MCPH1: variants seen among roughly 807,000 people sequenced by gnomAD.
MCPH1 encodes the protein microcephalin 1.
A neutral mutation model predicts 84.5 loss-of-function variants in MCPH1; 104 were observed. The observed-to-expected ratio is 1.23, with a 90% confidence interval of 1.05 to 1.45. The LOEUF (loss-of-function observed/expected upper bound fraction) is 1.45. Among genes scored for constraint, MCPH1 ranks in the 40% most tolerant of loss-of-function variants. The pLI, the probability that MCPH1 is intolerant of heterozygous loss-of-function variation, is 0.00. For missense variants in MCPH1, 1,498 were observed against 1,005.7 expected (o/e 1.49, Z -6.62); for synonymous variants, 514 against 366.8 (o/e 1.40, Z -4.58).
intron 11 of MCPH1, among the ~76,000 whole-genome samples, chr8:6,492,934 A>G (rs1256226836): frequency 6.6e-6 from 1 of 152,100 alleles, no homozygotes; most frequent in Non-Finnish European, 1.5e-5. Context: ...TAGGGAGGCT[A>G]TGGCAGAGTC....
At chr8:6,417,996 G>A (rs1264901059) in intron 3 of MCPH1, among the ~76,000 whole-genome samples, 1 of 152,174 alleles carries the variant, frequency 6.6e-6, no homozygotes, top group East Asian at 1.9e-4. Context: ...TCATTATGTG[G>A]GCAGTTGCTT....
chr8:6,416,637 C>G (rs890536755), intron 3 of MCPH1, among the ~76,000 whole-genome samples: 1 of 152,064 alleles, frequency 6.6e-6, no homozygotes, highest in African/African-American at 2.4e-5. Flanking sequence ...GTTGAAGCAA[C>G]CTTGCAGTCC....
intron 12 of MCPH1, among the ~76,000 whole-genome samples, chr8:6,548,224 A>C (rs981612396): frequency 6.6e-6 from 1 of 152,128 alleles, no homozygotes; most frequent in African/African-American, 2.4e-5. Context: ...GTTAGAACCT[A>C]CGTGAAGGCT....
chr8:6,626,481 T>TTTG (rs1191973423), intron 13 of MCPH1: 6 of 983,412 alleles, frequency 6.1e-6, no homozygotes, highest in East Asian at 1.1e-4. Flanking sequence ...TTTGTTTTTT[T>TTTG]TTTTTTTTTT....
At chr8:6,426,250 G>C (rs1801043152) in intron 3 of MCPH1, among the ~76,000 whole-genome samples, 1 of 152,072 alleles carries the variant, frequency 6.6e-6, no homozygotes, top group African/African-American at 2.4e-5. Flanking sequence ...TACATTCACG[G>C]GTTTTTTGTG....
Position 6,648,461 on chromosome 8 carries a change from C to G in MCPH1, c.*5412C>G, listed in dbSNP as rs915017157. On this transcript the variant is annotated 3_prime_UTR_variant, in exon 14 of 14. Transcript: ENST00000344683. Reference sequence around the variant, plus strand: ...TGAAACCAACATTTCTTCAGTGAAACCTAGAACAAAAGTGGAATAAATAAA... The same window carrying G: ...TGAAACCAACATTTCTTCAGTGAAAGCTAGAACAAAAGTGGAATAAATAAA... 6.6e-6 allele frequency: 1 copy of G among 152,116 alleles called. No homozygotes were observed. The highest frequency in any genetic ancestry group is 1.5e-5 in the Non-Finnish European group (1 of 68,050). The allele number at this position is 152,116 out of a possible 1,614,324, so 9.4% of individuals were successfully genotyped here.
chr8:6,594,708 T>A (rs1021066665), intron 12 of MCPH1, among the ~76,000 whole-genome samples: 1 of 124,034 alleles, frequency 8.1e-6, no homozygotes, highest in African/African-American at 2.8e-5. Flanking sequence ...TGCAGGGGAC[T>A]GCAGGGGACT....
chr8:6,484,181 A>T (rs1055933599), intron 11 of MCPH1, among the ~76,000 whole-genome samples: 1 of 152,234 alleles, frequency 6.6e-6, no homozygotes, highest in Non-Finnish European at 1.5e-5. Context: ...TATGTCTGGA[A>T]TATATAAAGA....
At chr8:6,417,908 C>A (rs1036997533) in intron 3 of MCPH1, among the ~76,000 whole-genome samples, 1 of 152,166 alleles carries the variant, frequency 6.6e-6, no homozygotes, top group Non-Finnish European at 1.5e-5. Flanking sequence ...ACTCTGGATT[C>A]TTTTCTATTG....
Position 6,648,092 on chromosome 8 carries a change from G to A in MCPH1, c.*5043G>A, listed in dbSNP as rs971195791. 2 of 152,204 alleles carry A rather than the reference G, an allele frequency of 1.3e-5. No homozygotes were observed. The highest frequency in any genetic ancestry group is 2.9e-5 in the Non-Finnish European group (2 of 68,062). The allele number at this position is 152,204 out of a possible 1,614,324, so 9.4% of individuals were successfully genotyped here. ...ATTTAAGGTCGGCCTTGGCTTTCAA[G>A]TTAAGGCCATGGTCTTTCTCTGCAG... On this transcript the variant is annotated 3_prime_UTR_variant, in exon 14 of 14. Transcript: ENST00000344683.
At chr8:6,584,594 A>T (rs1217052833) in intron 12 of MCPH1, among the ~76,000 whole-genome samples, 1 of 152,190 alleles carries the variant, frequency 6.6e-6, no homozygotes, top group Non-Finnish European at 1.5e-5. Context: ...CCGGGGGAGG[A>T]AAAAAGTTAA....
At chr8:6,472,417 A>G (rs538661540) in intron 9 of MCPH1, among the ~76,000 whole-genome samples, 15 of 152,180 alleles carry the variant, frequency 9.9e-5, no homozygotes, top group Admixed American at 3.9e-4. Flanking sequence ...TAAAAGCACA[A>G]ATACTTTTTA....
At chr8:6,442,738 C>T (rs774884430) in intron 7 of MCPH1, among the ~76,000 whole-genome samples, 2 of 152,194 alleles carry the variant, frequency 1.3e-5, no homozygotes, top group African/African-American at 4.8e-5. Flanking sequence ...GTTTCTTCAC[C>T]TAGTCCCCAG....
chr8:6,576,956 C>T (rs908638975), intron 12 of MCPH1, among the ~76,000 whole-genome samples: 2 of 152,024 alleles, frequency 1.3e-5, no homozygotes, highest in Non-Finnish European at 1.5e-5. Flanking sequence ...ATCTGAGAGA[C>T]GCAGGGCCCT....
At chr8:6,457,689 T>G (rs896682962) in intron 9 of MCPH1, among the ~76,000 whole-genome samples, 1 of 152,074 alleles carries the variant, frequency 6.6e-6, no homozygotes, top group Non-Finnish European at 1.5e-5. Flanking sequence ...CGGCACCCCG[T>G]CCTTAACGTG....
intron 12 of MCPH1, among the ~76,000 whole-genome samples, chr8:6,512,115 C>T (rs185031206): frequency 8.7e-4 from 132 of 152,062 alleles, no homozygotes; most frequent in African/African-American, 3.1e-3. Context: ...CCTGATCTTT[C>T]CATAATGAGA....
chr8:6,552,168 AGG>A (rs1206613639), intron 12 of MCPH1, among the ~76,000 whole-genome samples: 1 of 152,206 alleles, frequency 6.6e-6, no homozygotes, highest in Non-Finnish European at 1.5e-5. Context: ...CCTGCTTAGA[AGG>A]TAGTTTGGGG....
rs1436462623 is a variant in MCPH1 at position 6,499,934 on chromosome 8, G to C, written c.2214+5G>C. 2.5e-6 allele frequency: 4 copies of C among 1,611,986 alleles called. No homozygotes were observed. Among genetic ancestry groups the C allele is most frequent in the Non-Finnish European group, 3.4e-6 (4 of 1,178,546 alleles). On this transcript the variant is annotated splice_donor_5th_base_variant and intron_variant, in intron 12 of 13. Coordinates refer to ENST00000344683, the MANE Select transcript of MCPH1 (RefSeq NM_024596.5). Reference sequence around the variant, plus strand: ...CACCACTTCCCTGCAGCTCCCGTAAGTCAGATGTTGTTTTACGATGGTAAA... The same window carrying C: ...CACCACTTCCCTGCAGCTCCCGTAACTCAGATGTTGTTTTACGATGGTAAA...
At chr8:6,560,795 A>G (rs753077269) in intron 12 of MCPH1, among the ~76,000 whole-genome samples, 19 of 152,246 alleles carry the variant, frequency 1.2e-4, no homozygotes, top group Admixed American at 4.6e-4. Context: ...GAGAAGGGGT[A>G]GTTTACCTAA....
Sources: allele counts gnomAD v4.1 joint callset (sites outside exome capture counted in the v4.1 genomes callset), GRCh38; gene constraint gnomAD v4.1.1; transcripts MANE v1.5; gene names NCBI Gene and HGNC (gene_info 2026-07-23, HGNC 2026-07-21).